NRG3: variants seen among roughly 807,000 people sequenced by gnomAD.
NRG3 encodes pro-neuregulin-3, membrane-bound isoform.
A neutral mutation model predicts 66.9 loss-of-function variants in NRG3; 31 were observed. The observed-to-expected ratio is 0.46, with a 90% CI of 0.35 to 0.63. The LOEUF (loss-of-function observed/expected upper bound fraction) is 0.63. Among genes scored for constraint, NRG3 ranks in the 20% least tolerant of loss-of-function variants. The pLI is 0.00. For synonymous variants in NRG3, 393 were observed against 359.4 expected (o/e 1.09, Z -1.06); for missense variants, 910 against 878.9 (o/e 1.04, Z -0.45).
intron 1 of NRG3, among the ~76,000 whole-genome samples, chr10:82,075,304 G>T (rs904717988): frequency 5.3e-5 from 8 of 152,026 alleles, no homozygotes. Flanking sequence ...CTTTATTTTT[G>T]TGTCTTTGAT....
chr10:82,270,420 G>C (rs887119079), intron 1 of NRG3, among the ~76,000 whole-genome samples: 1 of 152,018 alleles, frequency 6.6e-6, no homozygotes, highest in Non-Finnish European at 1.5e-5. Context: ...TAGGGTATTT[G>C]GGACTTTCCT....
chr10:81,983,542 A>C (rs75516416), intron 1 of NRG3, among the ~76,000 whole-genome samples: 4,970 of 152,202 alleles, frequency 0.033, 200 homozygotes, highest in East Asian at 0.19. Flanking sequence ...ATGAATGTTG[A>C]TATATTGGTT....
intron 1 of NRG3, among the ~76,000 whole-genome samples, chr10:82,350,910 T>G (rs1239245896): frequency 6.9e-6 from 1 of 145,972 alleles, no homozygotes; most frequent in Non-Finnish European, 1.5e-5. Flanking sequence ...TTTTTTTTTT[T>G]AGATGGAGTC....
At chr10:82,158,113 G>T (rs2071316239) in intron 1 of NRG3, among the ~76,000 whole-genome samples, 4 of 151,650 alleles carry the variant, frequency 2.6e-5, no homozygotes, top group African/African-American at 9.7e-5. Flanking sequence ...GGGATATTTT[G>T]TTTTTCTAGA....
intron 1 of NRG3, among the ~76,000 whole-genome samples, chr10:82,152,182 C>G (rs1051020003): frequency 2.0e-5 from 3 of 152,098 alleles, no homozygotes; most frequent in Non-Finnish European, 4.4e-5. Context: ...TGGGTCTGTT[C>G]CAGTTAAACC....
chr10:82,250,613 G>A (rs1007430677), intron 1 of NRG3, among the ~76,000 whole-genome samples: 1 of 152,172 alleles, frequency 6.6e-6, no homozygotes, highest in Non-Finnish European at 1.5e-5. Context: ...CTTCTGCTGA[G>A]ATATCAAGAC....
chr10:82,628,974 G>T (rs2049618652), intron 2 of NRG3, among the ~76,000 whole-genome samples: 2 of 152,298 alleles, frequency 1.3e-5, no homozygotes, highest in South Asian at 4.1e-4. Context: ...CCCTGGTCTT[G>T]CTGCTGTCTT....
chr10:82,038,892 A>G (rs532887526), intron 1 of NRG3, among the ~76,000 whole-genome samples: 20 of 152,224 alleles, frequency 1.3e-4, no homozygotes, highest in African/African-American at 4.8e-4. Context: ...CCTGATCAAC[A>G]CTAGCCTAGT....
chr10:82,417,570 C>T (rs1005221107), intron 2 of NRG3, among the ~76,000 whole-genome samples: 2 of 152,120 alleles, frequency 1.3e-5, no homozygotes, highest in African/African-American at 2.4e-5. Flanking sequence ...TTCTTTGGTG[C>T]TTTCATTACA....
intron 2 of NRG3, among the ~76,000 whole-genome samples, chr10:82,524,361 A>T (rs1215636346): frequency 6.6e-6 from 1 of 152,062 alleles, no homozygotes; most frequent in African/African-American, 2.4e-5. Context: ...TATGAGATAC[A>T]TAGTAGGTGC....
At chr10:82,760,379 A>C (rs1209232651) in intron 3 of NRG3, among the ~76,000 whole-genome samples, 1 of 152,202 alleles carries the variant, frequency 6.6e-6, no homozygotes, top group Non-Finnish European at 1.5e-5. Flanking sequence ...AATTGTCAGC[A>C]GATGTAGAAA....
chr10:82,263,236 A>G (rs1015391184), intron 1 of NRG3, among the ~76,000 whole-genome samples: 15 of 152,124 alleles, frequency 9.9e-5, no homozygotes, highest in African/African-American at 3.4e-4. Flanking sequence ...AAGAAAATAA[A>G]GAAAAACGGA....
rs182489305 is a variant in NRG3 at position 81,963,498 on chromosome 10, A to G, written c.823+87335A>G. Among the ~76,000 whole-genome samples, 328 of 152,304 alleles carry G rather than the reference A, an allele frequency of 2.2e-3. 1 individual carries two copies. Among genetic ancestry groups the G allele is most frequent in the Middle Eastern group, 0.01 (3 of 294 alleles). Reference sequence around the variant, plus strand: ...TATGCAGCTGTTACCAAAAATGCTTAAAATAGATTGAATTTAACGATTACA... The same window carrying G: ...TATGCAGCTGTTACCAAAAATGCTTGAAATAGATTGAATTTAACGATTACA... On this transcript the variant is annotated intron_variant, in intron 1 of 8. Coordinates refer to ENST00000372141, the MANE Select transcript of NRG3 (RefSeq NM_001010848.4).
chr10:81,897,771 A>G (rs936181915), intron 1 of NRG3, among the ~76,000 whole-genome samples: 1 of 152,188 alleles, frequency 6.6e-6, no homozygotes, highest in Non-Finnish European at 1.5e-5. Flanking sequence ...GTGGTGGTGC[A>G]GGGAAGTGGA....
In NRG3 at chr10:82,580,901, T is replaced by TTGTGTGTG. The variant is rs56906298; in HGVS notation, c.954-157646_954-157639dup. 9.5e-5 allele frequency among the ~76,000 whole-genome samples: 14 copies of TTGTGTGTG among 147,312 alleles called. No homozygotes were observed. The South Asian group carries it at 2.0e-3, about 21-fold the overall frequency. On this transcript the variant is annotated intron_variant, in intron 2 of 8. Transcript: ENST00000372141. ...AACATTTGTATGTAAGTTTGTAAGT[T>TTGTGTGTG]TGTGTGTGTGTGTGTGTGTGTGTGT... is the stretch of plus-strand genomic sequence containing the variant.
At chr10:82,843,167 T>C (rs1445634935) in intron 3 of NRG3, 4 of 416,312 alleles carry the variant, frequency 9.6e-6, no homozygotes, top group African/African-American at 6.1e-5. Context: ...TAGTAATTGC[T>C]ATGATTTGAA....
chr10:81,990,583 T>C (rs2060700852), intron 1 of NRG3, among the ~76,000 whole-genome samples: 1 of 152,202 alleles, frequency 6.6e-6, no homozygotes, highest in Non-Finnish European at 1.5e-5. Context: ...TTAAGTAAGA[T>C]AAGTTTATTA....
chr10:82,948,962 A>T (rs1849273144), intron 4 of NRG3, among the ~76,000 whole-genome samples: 1 of 152,138 alleles, frequency 6.6e-6, no homozygotes, highest in African/African-American at 2.4e-5. Context: ...AAGGTATGAG[A>T]GTGGATATTC....
chr10:82,461,351 A>G (rs2091506484), intron 2 of NRG3, among the ~76,000 whole-genome samples: 2 of 151,968 alleles, frequency 1.3e-5, no homozygotes, highest in Non-Finnish European at 2.9e-5. Context: ...CACCACCACC[A>G]TTAACACCAT....
Sources: allele counts gnomAD v4.1 joint callset (sites outside exome capture counted in the v4.1 genomes callset), GRCh38; gene constraint gnomAD v4.1.1; transcripts MANE v1.5; gene names NCBI Gene and HGNC (gene_info 2026-07-23, HGNC 2026-07-21).